The following ZCCHC17 variants were observed in gnomAD, a reference collection of about 807,000 sequenced individuals.
ZCCHC17 encodes the protein zinc finger CCHC domain-containing protein 17.
Under a neutral mutation model 30.6 loss-of-function variants are expected in ZCCHC17, and 18 were observed. That is an observed-to-expected ratio of 0.59 (90% CI 0.41 to 0.87). The LOEUF is 0.87. ZCCHC17 is among the 40% of genes least tolerant of loss of function. ZCCHC17 has a pLI of 0.00. For synonymous variants in ZCCHC17, 88 were observed against 92.4 expected (o/e 0.95, Z 0.27); for missense variants, 263 against 284.2 (o/e 0.93, Z 0.54).
chr1:31,306,592 A>C (rs1327103053), intron 1 of ZCCHC17, among the ~76,000 whole-genome samples: 1 of 152,240 alleles, frequency 6.6e-6, no homozygotes, highest in Non-Finnish European at 1.5e-5. Context: ...GACTGTGAGT[A>C]ACTGCAACTG....
intron 7 of ZCCHC17, among the ~76,000 whole-genome samples, chr1:31,353,087 C>T (rs753876141): frequency 6.6e-6 from 1 of 152,146 alleles, no homozygotes; most frequent in Non-Finnish European, 1.5e-5. Flanking sequence ...AGTGACATCT[C>T]ATTGTGGTTT....
chr1:31,363,033 G>A (rs1419058137), intron 7 of ZCCHC17, among the ~76,000 whole-genome samples: 1 of 151,950 alleles, frequency 6.6e-6, no homozygotes. Flanking sequence ...TTTATATCAT[G>A]TGCATATATA....
intron 3 of ZCCHC17, among the ~76,000 whole-genome samples, chr1:31,325,726 C>T (rs1181189293): frequency 4.6e-5 from 7 of 152,188 alleles, no homozygotes; most frequent in Non-Finnish European, 7.3e-5. Flanking sequence ...GGCCTAGTGG[C>T]CCCAAGCAAA....
intron 4 of ZCCHC17, among the ~76,000 whole-genome samples, chr1:31,338,552 A>G (rs1423162032): frequency 2.6e-5 from 4 of 152,230 alleles, no homozygotes; most frequent in Non-Finnish European, 5.9e-5. Context: ...AAATGTCTTC[A>G]TGCTTAAAGA....
intron 3 of ZCCHC17, among the ~76,000 whole-genome samples, chr1:31,333,458 G>A (rs981602476): frequency 1.3e-5 from 2 of 152,172 alleles, no homozygotes; most frequent in Non-Finnish European, 2.9e-5. Flanking sequence ...AGGAGGTGGA[G>A]GTTGCAGTGA....
At chr1:31,352,609 C>T (rs769154113) in intron 7 of ZCCHC17, among the ~76,000 whole-genome samples, 7 of 152,088 alleles carry the variant, frequency 4.6e-5, no homozygotes, top group Non-Finnish European at 8.8e-5. Flanking sequence ...TGCCACCACA[C>T]CCAGCTAATT....
At chr1:31,348,230 A>G (rs1393625119) in intron 6 of ZCCHC17, among the ~76,000 whole-genome samples, 1 of 152,218 alleles carries the variant, frequency 6.6e-6, no homozygotes. Context: ...TTCTGTCTAT[A>G]TGACCTTGAG....
In ZCCHC17 at chr1:31,335,541, A is replaced by C. The variant is rs137928859; in HGVS notation, c.125-1634A>C. ...CAAGCATGCACCACCACATCCTATT[A>C]ATTTTTCTGTAATTTTTCTAGAGAT... On this transcript the variant is annotated intron_variant, in intron 3 of 7. Transcript: ENST00000344147. 1.5e-4 allele frequency among the ~76,000 whole-genome samples: 23 copies of C among 151,822 alleles called. No individual in the cohort carries two copies. In the East Asian group the frequency reaches 3.3e-3, roughly 22 times the overall value.
At chr1:31,318,637 A>G (rs1646790898) in intron 2 of ZCCHC17, among the ~76,000 whole-genome samples, 2 of 152,196 alleles carry the variant, frequency 1.3e-5, no homozygotes, top group South Asian at 4.1e-4. Flanking sequence ...TTTGAAGTTC[A>G]GGTATGAGGG....
At chr1:31,334,337 C>G (rs867340052) in intron 3 of ZCCHC17, among the ~76,000 whole-genome samples, 17 of 85,610 alleles carry the variant, frequency 2.0e-4, no homozygotes, top group African/African-American at 7.9e-4. Flanking sequence ...CTCTCTCTCT[C>G]TGTGTGTGTG....
chr1:31,322,906 G>C (rs1646892742), intron 3 of ZCCHC17, among the ~76,000 whole-genome samples: 1 of 152,038 alleles, frequency 6.6e-6, no homozygotes, highest in Non-Finnish European at 1.5e-5. Context: ...ATTTTTGGTA[G>C]AGACGGGGTT....
intron 3 of ZCCHC17, among the ~76,000 whole-genome samples, chr1:31,322,178 A>G (rs982272196): frequency 1.3e-5 from 2 of 152,202 alleles, no homozygotes; most frequent in African/African-American, 4.8e-5. Context: ...CAGTTCTCTG[A>G]TTCTCTAACA....
intron 3 of ZCCHC17, among the ~76,000 whole-genome samples, chr1:31,334,878 T>G (rs1638751544): frequency 6.6e-6 from 1 of 152,240 alleles, no homozygotes; most frequent in African/African-American, 2.4e-5. Flanking sequence ...ACATTGAATA[T>G]TTTGATGTAA....
At chr1:31,312,204 A>G (rs996281866) in intron 2 of ZCCHC17, among the ~76,000 whole-genome samples, 31 of 152,194 alleles carry the variant, frequency 2.0e-4, no homozygotes, top group African/African-American at 7.2e-4. Context: ...TTCATCCTTT[A>G]GGTCTCAGCC....
chr1:31,313,956 C>A (rs926433221), intron 2 of ZCCHC17, among the ~76,000 whole-genome samples: 1 of 152,002 alleles, frequency 6.6e-6, no homozygotes, highest in Non-Finnish European at 1.5e-5. Flanking sequence ...CCTCCACCTC[C>A]GGGTTCAAGT....
intron 5 of ZCCHC17, 194 bp from the exon 6 acceptor site, chr1:31,346,446 T>C (rs1639275948): frequency 1.9e-6 from 1 of 519,846 alleles, no homozygotes; most frequent in Non-Finnish European, 3.3e-6. Flanking sequence ...AGATGAAGGT[T>C]AGTCTCATTC....
intron 3 of ZCCHC17, among the ~76,000 whole-genome samples, chr1:31,322,754 C>G (rs1053594390): frequency 6.7e-6 from 1 of 149,526 alleles, no homozygotes; most frequent in African/African-American, 2.5e-5. Flanking sequence ...GGGAATCTAG[C>G]TCTGTTGCCC....
At chr1:31,343,846 ATTTTTTTT>A (rs71569979) in intron 5 of ZCCHC17, among the ~76,000 whole-genome samples, 37 of 80,752 alleles carry the variant, frequency 4.6e-4, no homozygotes, top group African/African-American at 2.2e-3. Flanking sequence ...TGCCCCACTA[ATTTTTTTT>A]TTTTTTTTTT....
At chr1:31,317,276 C>T (rs935297090) in intron 2 of ZCCHC17, among the ~76,000 whole-genome samples, 5 of 152,102 alleles carry the variant, frequency 3.3e-5, no homozygotes, top group Admixed American at 2.0e-4. Flanking sequence ...CCACCTGCCT[C>T]GCCCTTTCAA....
Sources: allele counts gnomAD v4.1 joint callset (sites outside exome capture counted in the v4.1 genomes callset), GRCh38; gene constraint gnomAD v4.1.1; transcripts MANE v1.5; gene names NCBI Gene and HGNC (gene_info 2026-07-23, HGNC 2026-07-21).